The following TBL3 variants were observed in gnomAD, a reference collection of about 807,000 sequenced individuals.
TBL3 encodes transducin beta-like protein 3.
In TBL3, 71 loss-of-function variants were observed where a neutral mutation model predicts 102.7. The observed-to-expected ratio is 0.69, with a 90% CI of 0.57 to 0.84. The LOEUF (loss-of-function observed/expected upper bound fraction) is 0.84. Ranked by LOEUF, TBL3 falls within the 40% of genes least tolerant of loss-of-function variation. The pLI, the probability that TBL3 is intolerant of heterozygous loss-of-function variation, is 0.00. For synonymous variants in TBL3, 578 were observed against 477.7 expected (o/e 1.21, Z -2.74); for missense variants, 1,188 against 1,098.5 (o/e 1.08, Z -1.15).
Position 1,975,566 on chromosome 16 carries a change from T to C in TBL3, c.843T>C (p.Cys281=), listed in dbSNP as rs1248820806. The change falls in exon 10 of 22, where the codon TGT becomes TGC. Residue 281 remains cysteine, a synonymous_variant. Transcript: ENST00000568546. The part of the protein sequence containing the change: ...LRVWEAASGQ[C]VYTQAQPPGP... ...TGTGGGAGGCAGCTTCTGGGCAGTG[T>C]GTGTACACGCAGGCCCAGCCGCCGG... 6 of 1,598,782 alleles carry C rather than the reference T, an allele frequency of 3.8e-6. No homozygotes were observed. Among genetic ancestry groups the C allele is most frequent in the African/African-American group, 1.3e-5 (1 of 74,864 alleles).
At position 1,980,409 on chromosome 16, in the gene TBL3, G is replaced by A. The variant is rs562907108; in HGVS notation, c.*1724G>A. 2.5e-6 allele frequency: 4 copies of A among 1,603,018 alleles called. No homozygotes were observed. The highest frequency in any genetic ancestry group is 1.1e-5 in the South Asian group (1 of 91,056). On this transcript the variant is annotated 3_prime_UTR_variant, in exon 22 of 22. Transcript: ENST00000568546. The stretch of plus-strand genomic sequence containing the variant: ...GGGCTCCAGGTCCAGGGGTTGCGGT[G>A]CGAAGAAGCCAGTGATCGTCGGGCT...
At position 1,975,961 on chromosome 16, in the gene TBL3, C is replaced by T. The variant is rs757104646; in HGVS notation, c.1129+12C>T. 2 of 1,614,178 alleles carry T rather than the reference C, an allele frequency of 1.2e-6. No homozygotes were observed. Among genetic ancestry groups the T allele is most frequent in the Admixed American group, 3.3e-5 (2 of 60,038 alleles). ...CCACGGCCACACGGGTGAGTGGGGC[C>T]AGCCCACCTGACACCCTGGGAGCCG... On this transcript the variant is annotated intron_variant, in intron 11 of 21. Transcript: ENST00000568546.
At position 1,977,495 on chromosome 16, in the gene TBL3, C is replaced by T; in HGVS notation, c.1743-19C>T. ...GGGGGACCTGCCTGACGCTGAGCCT[C>T]TCCCCACCCCAAACCCAGCGGTTCG... On this transcript the variant is annotated intron_variant, in intron 16 of 21. Coordinates refer to ENST00000568546, the MANE Select transcript of TBL3 (RefSeq NM_006453.3). 6.2e-7 allele frequency: 1 copy of T among 1,609,468 alleles called. No individual in the cohort carries two copies.
Position 1,979,350 on chromosome 16 carries a change from C to T in TBL3, c.*665C>T. The T allele has an allele frequency of 6.3e-7, 1 of 1,581,238 alleles. No homozygotes were observed. Among genetic ancestry groups the T allele is most frequent in the South Asian group, 1.1e-5 (1 of 88,492 alleles). On this transcript the variant is annotated 3_prime_UTR_variant, in exon 22 of 22. Coordinates refer to ENST00000568546, the MANE Select transcript of TBL3 (RefSeq NM_006453.3). ...GAGTAGGCCCGCCCGGTCGCCGTAC[C>T]TGCGAGGGGCGGGGTGTGGTTAGGG...
Position 1,977,424 on chromosome 16 carries a change from C to T in TBL3, c.1740C>T (p.Ser580=), listed in dbSNP as rs2083411981. ...TGAGCCGTGGCACGCAGCTGCTGTC[C>T]AGGTGAGTGGGCTGGGGTGGGGCAG... The part of the protein sequence containing the change: ...AFVSRGTQLL[S]SGSDGLVKLW... The change falls in exon 16 of 22, where the codon TCC becomes TCT. Residue 580 remains serine (S), a splice_region_variant and synonymous_variant. Transcript: ENST00000568546. The T allele has an allele frequency of 6.2e-7, 1 of 1,611,170 alleles. No homozygotes were observed. Among genetic ancestry groups the T allele is most frequent in the Non-Finnish European group, 8.5e-7 (1 of 1,179,624 alleles).
chr16:1,980,627 C>A lies in TBL3; in HGVS notation c.*1942C>A. 1 of 1,597,214 alleles carries A rather than the reference C, an allele frequency of 6.3e-7. No individual in the cohort carries two copies. Among genetic ancestry groups the A allele is most frequent in the East Asian group, 2.3e-5 (1 of 44,272 alleles). On this transcript the variant is annotated 3_prime_UTR_variant, in exon 22 of 22. Transcript: ENST00000568546. ...GCGCCCCCAGGCAAGCCACCGCCTT[C>A]CCCGCTCCCGTACCCAGGCTGGCCT...
intron 1 of TBL3, among the ~76,000 whole-genome samples, chr16:1,972,492 G>T (rs2083367851): frequency 1.3e-5 from 2 of 152,248 alleles, no homozygotes. Flanking sequence ...ATGAGGGGAG[G>T]AGAGGGCTGA....
chr16:1,974,591 G>A lies in TBL3; in HGVS notation c.291G>A (p.Glu97=). ...ALLLAQWAWQ[E]GSVTRLWKAI... Reference sequence around the variant, plus strand: ...TGCTGGCTCAGTGGGCCTGGCAAGAGGGCAGCGTTACCCGCCTGTGGAAGG... The same window carrying A: ...TGCTGGCTCAGTGGGCCTGGCAAGAAGGCAGCGTTACCCGCCTGTGGAAGG... Residue 97 remains glutamate (E), a synonymous_variant, in exon 5 of 22, where the codon GAG becomes GAA. Coordinates refer to ENST00000568546, the MANE Select transcript of TBL3 (RefSeq NM_006453.3). The A allele has an allele frequency of 6.2e-7, 1 of 1,611,406 alleles. No homozygotes were observed. Among genetic ancestry groups the A allele is most frequent in the Non-Finnish European group, 8.5e-7 (1 of 1,178,626 alleles).
rs1216461403 is a variant in TBL3 at position 1,978,513 on chromosome 16, T to C, written c.2294-39T>C. ...TGGGGTTGGGGGATCCTGGTGGGCG[T>C]GTGGACCACCCCCCTGACCTCCCTC... On this transcript the variant is annotated intron_variant, in intron 21 of 21. Coordinates refer to ENST00000568546, the MANE Select transcript of TBL3 (RefSeq NM_006453.3). The C allele has an allele frequency of 4.4e-6, 7 of 1,589,390 alleles. No individual in the cohort carries two copies. The Admixed American group carries it at 6.8e-5, about 15-fold the overall frequency.
chr16:1,978,953 T>A lies in TBL3; in HGVS notation c.*268T>A, dbSNP rs566481497. 1.6e-6 allele frequency: 2 copies of A among 1,241,306 alleles called. No individual in the cohort carries two copies. The highest frequency in any genetic ancestry group is 2.8e-5 in the South Asian group (2 of 72,106). 76.9% of individuals were successfully genotyped at this position (1,241,306 alleles called of 1,614,324 possible). On this transcript the variant is annotated 3_prime_UTR_variant, in exon 22 of 22. Coordinates refer to ENST00000568546, the MANE Select transcript of TBL3 (RefSeq NM_006453.3). ...AAGCTTTACTCAGAGGAACAGCAAATGGCCCCCTCCCATCCCTGCTGGCCA... is the reference window on the plus strand; with the variant it reads ...AAGCTTTACTCAGAGGAACAGCAAAAGGCCCCCTCCCATCCCTGCTGGCCA...
In TBL3 at chr16:1,972,161, C is replaced by A; in HGVS notation, c.-4C>A. 4 of 1,460,492 alleles carry A rather than the reference C, an allele frequency of 2.7e-6. No homozygotes were observed. Among genetic ancestry groups the A allele is most frequent in the Non-Finnish European group, 2.7e-6 (3 of 1,105,298 alleles). 90.5% of individuals were successfully genotyped at this position (1,460,492 alleles called of 1,614,324 possible). On this transcript the variant is annotated 5_prime_UTR_variant, in exon 1 of 22. Coordinates refer to ENST00000568546, the MANE Select transcript of TBL3 (RefSeq NM_006453.3). The stretch of plus-strand genomic sequence containing the variant: ...GTTTCAGCTGGAGCGGCGGCGGCGG[C>A]AACATGGCAGAGACCGCGGCCGGAG...
Position 1,974,819 on chromosome 16 carries a change from C to A in TBL3, c.436C>A (p.His146Asn), listed in dbSNP as rs747616358. Residue 146 changes from histidine to asparagine, a missense_variant, in exon 6 of 22, where the codon CAC (histidine) becomes AAC (asparagine). By Grantham distance (68) the His-to-Asn change is moderately conservative (BLOSUM62 1). Transcript: ENST00000568546. ...WDIVRHYGTHHFRGSPGVVHL... is the reference protein window; with the variant it reads ...WDIVRHYGTHNFRGSPGVVHL... The stretch of plus-strand genomic sequence containing the variant: ...CATCGTGCGGCACTACGGGACACAC[C>A]ACTTCCGAGGCTCGCCCGGTGTCGT... 2 of 1,613,400 alleles carry A rather than the reference C, an allele frequency of 1.2e-6. No individual in the cohort carries two copies. Among genetic ancestry groups the A allele is most frequent in the South Asian group, 2.2e-5 (2 of 91,086 alleles).
At chr16:1,977,469 G>A (rs370690725) in intron 16 of TBL3, 43 bp downstream of exon 16, 25 of 1,604,922 alleles carry the variant, frequency 1.6e-5, no homozygotes, top group African/African-American at 6.9e-5. Flanking sequence ...GGGGGGTGGC[G>A]GGGGGACCTG....
Position 1,974,232 on chromosome 16 carries a change from T to G in TBL3, c.129T>G (p.Cys43Trp). ...CTGGCCAGCACCTCTTCTGCGTCTG[T>G]GGCACCAGAGTCAACATTCTGGAAG... Reference protein sequence around the residue: ...DQTGQHLFCVCGTRVNILEVA... With the variant: ...DQTGQHLFCVWGTRVNILEVA... The change falls in exon 3 of 22, where the codon TGT becomes TGG. Residue 43 changes from cysteine to tryptophan, a missense_variant. Cys to Trp is a radical substitution (Grantham distance 215). Transcript: ENST00000568546. The G allele has an allele frequency of 6.2e-7, 1 of 1,603,660 alleles. No individual in the cohort carries two copies. The highest frequency in any genetic ancestry group is 8.5e-7 in the Non-Finnish European group (1 of 1,174,176).
chr16:1,975,175 T>C lies in TBL3; in HGVS notation c.636-12T>C, dbSNP rs1469888361. On this transcript the variant is annotated splice_polypyrimidine_tract_variant and intron_variant, in intron 7 of 21. Coordinates refer to ENST00000568546, the MANE Select transcript of TBL3 (RefSeq NM_006453.3). The stretch of plus-strand genomic sequence containing the variant: ...GCTAAGACTTGACCTGAGGTTGCCG[T>C]TGCTCCTTCAGCTCCGGCCGTGACA... 2 of 1,613,610 alleles carry C rather than the reference T, an allele frequency of 1.2e-6. No homozygotes were observed. The highest frequency in any genetic ancestry group is 2.7e-5 in the African/African-American group (2 of 74,888).
At position 1,979,524 on chromosome 16, in the gene TBL3, G is replaced by C. The variant is rs996102638; in HGVS notation, c.*839G>C. Reference sequence around the variant, plus strand: ...TGCGCGGCTGCTCTCGTAGGCGCGGGAAGCACAGAACTGGGGACCTGGTGG... The same window carrying C: ...TGCGCGGCTGCTCTCGTAGGCGCGGCAAGCACAGAACTGGGGACCTGGTGG... On this transcript the variant is annotated 3_prime_UTR_variant, in exon 22 of 22. Coordinates refer to ENST00000568546, the MANE Select transcript of TBL3 (RefSeq NM_006453.3). 3.1e-6 allele frequency: 5 copies of C among 1,611,156 alleles called. No individual in the cohort carries two copies. In the Admixed American group the frequency reaches 5.0e-5, roughly 16 times the overall value.
Position 1,976,799 on chromosome 16 carries a change from C to G in TBL3, c.1293-15C>G. The G allele has an allele frequency of 6.2e-7, 1 of 1,612,798 alleles. No homozygotes were observed. The highest frequency in any genetic ancestry group is 8.5e-7 in the Non-Finnish European group (1 of 1,179,904). On this transcript the variant is annotated splice_polypyrimidine_tract_variant and intron_variant, in intron 13 of 21. Coordinates refer to ENST00000568546, the MANE Select transcript of TBL3 (RefSeq NM_006453.3). ...GGGGCTCAGCTGTGTCTCCTCCTCT[C>G]CTGTTGGGTCACAGGCTGAAGGAGT... is the stretch of plus-strand genomic sequence containing the variant.
At chr16:1,975,286 C>G (rs1005272276) in intron 8 of TBL3, 24 bp downstream of exon 8, 2 of 1,613,892 alleles carry the variant, frequency 1.2e-6, no homozygotes, top group East Asian at 4.5e-5. Flanking sequence ...GAGGCCAGGG[C>G]TGGTTGAGTT....
Position 1,976,256 on chromosome 16 carries a change from A to T in TBL3, c.1234A>T (p.Met412Leu), listed in dbSNP as rs775026817. 6.2e-7 allele frequency: 1 copy of T among 1,614,026 alleles called. No individual in the cohort carries two copies. Residue 412 changes from methionine to leucine, a missense_variant, in exon 13 of 22, where the codon ATG becomes TTG. Transcript: ENST00000568546. ...GAGAATGAACAAGGCTGGCCAGGTG[A>T]TGTGCGTGGCTCAGGGTTCCGGTCA... ...IWRMNKAGQV[M>L]CVAQGSGHTH...
Sources: gnomAD v4.1 joint callset for allele counts (sites outside exome capture counted in the v4.1 genomes callset) on GRCh38, gnomAD v4.1.1 for gene constraint, MANE v1.5 for transcripts, NCBI Gene and HGNC (gene_info 2026-07-23, HGNC 2026-07-21) for gene names.